The following DPY19L1 variants were observed in gnomAD, a reference collection of about 807,000 sequenced individuals.
DPY19L1 encodes protein C-mannosyl-transferase DPY19L1.
In DPY19L1, 35 loss-of-function variants were observed where a neutral mutation model predicts 96.9. The ratio of observed to expected loss-of-function variants is 0.36; its 90% CI spans 0.28 to 0.48. The LOEUF is 0.48. Among genes scored for constraint, DPY19L1 ranks in the 20% least tolerant of loss-of-function variants. The pLI is 0.99. For missense variants in DPY19L1, 521 were observed against 777.9 expected (o/e 0.67, Z 3.93); for synonymous variants, 205 against 252.6 (o/e 0.81, Z 1.79).
rs767108874 is a variant in DPY19L1 at position 34,938,060 on chromosome 7, C to T, written c.2024G>A (p.Arg675Gln). ...GTTCACTTTTAACTTTATCAGTTCT[C>T]GCTTCACTTCTTCGGCTGCTTTCCG... is the stretch of plus-strand genomic sequence containing the variant. ...YSRKAAEEVK[R>Q]ELIKLKVNYY... Residue 675 changes from arginine (R) to glutamine (Q), a missense_variant, in exon 21 of 22, where the codon CGA becomes CAA. By Grantham distance (43) the Arg-to-Gln change is conservative. Coordinates refer to ENST00000638088, the MANE Select transcript of DPY19L1 (RefSeq NM_001366673.1). The T allele has an allele frequency of 5.0e-5, 80 of 1,613,990 alleles. No individual in the cohort carries two copies. In the Admixed American group the frequency reaches 1.2e-3, roughly 24 times the overall value.
chr7:34,937,916 C>T, intron 21 of DPY19L1, 78 bp downstream of exon 21: 2 of 1,495,044 alleles, frequency 1.3e-6, no homozygotes, highest in Non-Finnish European at 1.8e-6. Flanking sequence ...ACCCCCGCCA[C>T]CAGCAAAGCA....
chr7:34,984,513 A>G (rs1038805138), intron 7 of DPY19L1, among the ~76,000 whole-genome samples: 1 of 152,234 alleles, frequency 6.6e-6, no homozygotes, highest in Non-Finnish European at 1.5e-5. Flanking sequence ...AGGTCATAAC[A>G]GATGTTGTAG....
intron 6 of DPY19L1, among the ~76,000 whole-genome samples, chr7:34,997,913 C>T (rs1785329786): frequency 6.6e-6 from 1 of 152,114 alleles, no homozygotes; most frequent in African/African-American, 2.4e-5. Flanking sequence ...TTGGTTGGAT[C>T]ACGGGAAGAG....
At chr7:35,002,524 A>G (rs916953060) in intron 6 of DPY19L1, among the ~76,000 whole-genome samples, 2 of 152,160 alleles carry the variant, frequency 1.3e-5, no homozygotes, top group Non-Finnish European at 2.9e-5. Context: ...AAGTAAAGAA[A>G]TAATTCAAGA....
intron 21 of DPY19L1, among the ~76,000 whole-genome samples, chr7:34,932,311 C>A (rs1399329021): frequency 6.6e-6 from 1 of 152,128 alleles, no homozygotes; most frequent in African/African-American, 2.4e-5. Context: ...CCTAATCTAC[C>A]CAACATCACG....
intron 10 of DPY19L1, among the ~76,000 whole-genome samples, chr7:34,966,628 T>C (rs1442558094): frequency 6.6e-6 from 1 of 152,162 alleles, no homozygotes; most frequent in African/African-American, 2.4e-5. Flanking sequence ...CTGGATAATA[T>C]ATCAGCCCCA....
At chr7:34,963,478 A>T (rs1265366535) in intron 10 of DPY19L1, among the ~76,000 whole-genome samples, 3 of 152,240 alleles carry the variant, frequency 2.0e-5, no homozygotes, top group Non-Finnish European at 4.4e-5. Flanking sequence ...ACTTCTGGGT[A>T]CATACTGAAA....
intron 6 of DPY19L1, among the ~76,000 whole-genome samples, chr7:34,991,376 G>A (rs1764245969): frequency 2.0e-5 from 3 of 152,030 alleles, no homozygotes; most frequent in Admixed American, 1.3e-4. Context: ...AATATAAAGG[G>A]GCAAAGAAAC....
At chr7:34,945,448 C>A (rs547084304) in intron 16 of DPY19L1, among the ~76,000 whole-genome samples, 13 of 151,902 alleles carry the variant, frequency 8.6e-5, no homozygotes, top group Non-Finnish European at 1.5e-4. Context: ...GGGCTACTGT[C>A]AGACTGTACT....
chr7:35,023,023 C>G (rs1301582142), intron 1 of DPY19L1, among the ~76,000 whole-genome samples: 1 of 152,180 alleles, frequency 6.6e-6, no homozygotes, highest in African/African-American at 2.4e-5. Context: ...TGGAAGCCAT[C>G]GTTCTTCCCA....
At chr7:34,965,187 G>A (rs1411851996) in intron 10 of DPY19L1, among the ~76,000 whole-genome samples, 1 of 152,110 alleles carries the variant, frequency 6.6e-6, no homozygotes, top group Non-Finnish European at 1.5e-5. Context: ...GATATGTGAA[G>A]AATGTACAGC....
At chr7:34,935,818 T>C (rs1358520323) in intron 21 of DPY19L1, among the ~76,000 whole-genome samples, 1 of 152,190 alleles carries the variant, frequency 6.6e-6, no homozygotes, top group Non-Finnish European at 1.5e-5. Flanking sequence ...AGATAAATAT[T>C]AGTCATTCTT....
At chr7:35,037,049 C>T (rs1362774076) in intron 1 of DPY19L1, 48 bp downstream of exon 1, 1 of 218,062 alleles carries the variant, frequency 4.6e-6, no homozygotes. Context: ...AGGGGGCCAG[C>T]GCCTCAAAGT....
rs1783733393 is a variant in DPY19L1, at chr7:34,930,635, C to A, written c.*938G>T. 2 of 152,136 alleles carry A rather than the reference C, an allele frequency of 1.3e-5. No individual in the cohort carries two copies. The highest frequency in any genetic ancestry group is 4.2e-4 in the South Asian group (2 of 4,812). 9.4% of individuals were successfully genotyped at this position (152,136 alleles called of 1,614,324 possible). On this transcript the variant is annotated 3_prime_UTR_variant, in exon 22 of 22. Coordinates refer to ENST00000638088, the MANE Select transcript of DPY19L1 (RefSeq NM_001366673.1). ...TGTTCCACTATAAATGATGTCTAATCAAATATACATTAGTTTCTAGATGCA... is the reference window on the plus strand; with the variant it reads ...TGTTCCACTATAAATGATGTCTAATAAAATATACATTAGTTTCTAGATGCA...
At chr7:34,989,991 T>C in intron 6 of DPY19L1, 50 bp from the exon 7 acceptor site, 1 of 1,514,562 alleles carries the variant, frequency 6.6e-7, no homozygotes, top group Non-Finnish European at 9.0e-7. Flanking sequence ...AGGTCAATCC[T>C]AAGAAAAACC....
rs1397882263 is a variant in DPY19L1 at position 35,010,560 on chromosome 7, T to C, written c.672A>G (p.Gly224=). 1.0e-5 allele frequency: 16 copies of C among 1,599,462 alleles called. No homozygotes were observed. The East Asian group carries it at 3.6e-4, about 36-fold the overall frequency. Residue 224 remains glycine, a splice_region_variant and synonymous_variant, in exon 6 of 22, where the codon GGA becomes GGG. Transcript: ENST00000638088. ...EGLSPIESCE[G]LGDPACFYVA... ...CATAAAAGCAAGCAGGATCTCCCAATCCTTTAAAAATAAACAAAACATATG... is the reference window on the plus strand; with the variant it reads ...CATAAAAGCAAGCAGGATCTCCCAACCCTTTAAAAATAAACAAAACATATG...
At chr7:34,936,423 TA>T (rs1272200878) in intron 21 of DPY19L1, among the ~76,000 whole-genome samples, 4 of 152,166 alleles carry the variant, frequency 2.6e-5, no homozygotes, top group Non-Finnish European at 5.9e-5. Flanking sequence ...GAAAAAAGGT[TA>T]CGAAAATTAT....
intron 6 of DPY19L1, among the ~76,000 whole-genome samples, chr7:35,001,024 C>T (rs1199415346): frequency 2.6e-5 from 4 of 152,218 alleles, no homozygotes; most frequent in African/African-American, 9.6e-5. Context: ...GTGACTAGCT[C>T]TGTGACCTCG....
intron 21 of DPY19L1, among the ~76,000 whole-genome samples, chr7:34,935,198 C>T (rs1260725485): frequency 5.3e-5 from 8 of 152,244 alleles, no homozygotes; most frequent in African/African-American, 7.2e-5. Flanking sequence ...AAGTAGAGAA[C>T]GACCCACAGT....
Sources: allele counts gnomAD v4.1 joint callset (sites outside exome capture counted in the v4.1 genomes callset), GRCh38; gene constraint gnomAD v4.1.1; transcripts MANE v1.5; gene names NCBI Gene and HGNC (gene_info 2026-07-23, HGNC 2026-07-21).